The following FGD4 variants were observed in gnomAD, a reference collection of about 807,000 sequenced individuals.
The protein encoded by FGD4 is FYVE, RhoGEF and PH domain containing 4.
A neutral mutation model predicts 102.0 loss-of-function variants in FGD4; 42 were observed. That is an observed-to-expected ratio of 0.41 (90% CI 0.32 to 0.53). The LOEUF (loss-of-function observed/expected upper bound fraction) is 0.53. Ranked by LOEUF, FGD4 falls within the 20% of genes least tolerant of loss-of-function variation. FGD4 has a pLI of 0.21. For missense variants in FGD4, 902 were observed against 1,078.2 expected (o/e 0.84, Z 2.29); for synonymous variants, 380 against 375.7 (o/e 1.01, Z -0.13).
intron 1 of FGD4, among the ~76,000 whole-genome samples, chr12:32,450,447 T>C (rs1402730027): frequency 6.6e-6 from 1 of 152,174 alleles, no homozygotes; most frequent in Non-Finnish European, 1.5e-5. Flanking sequence ...TAAATTATAA[T>C]CTTTTACTTC....
Position 32,643,266 on chromosome 12 carries a change from G to A in FGD4, c.*2733G>A, listed in dbSNP as rs1951249015. 1 of 152,352 alleles carries A rather than the reference G, an allele frequency of 6.6e-6. No individual in the cohort carries two copies. The highest frequency in any genetic ancestry group is 1.5e-5 in the Non-Finnish European group (1 of 67,932). The allele number at this position is 152,352 out of a possible 1,614,324, so 9.4% of individuals were successfully genotyped here. A position where few individuals can be genotyped will look rare whatever the true frequency, so the allele number is the denominator to read the frequency against. On this transcript the variant is annotated 3_prime_UTR_variant, in exon 17 of 17. Coordinates refer to ENST00000534526, the MANE Select transcript of FGD4 (RefSeq NM_001370298.3). ...AACACCAGCCACTTTTGTAATAATG[G>A]CATCACAGTGTCATCATGTATGCAA...
At chr12:32,439,895 C>T (rs2728667) in intron 1 of FGD4, among the ~76,000 whole-genome samples, 20,909 of 151,952 alleles carry the variant, frequency 0.14, 3,120 homozygotes, top group African/African-American at 0.36. Flanking sequence ...TTCAAATAGC[C>T]TATCTTCAGG....
rs538830456 is a variant in FGD4, at chr12:32,558,010, T to G, written c.167-6127T>G. Among the ~76,000 whole-genome samples the G allele has an allele frequency of 2.6e-5, 4 of 152,304 alleles. No individual in the cohort carries two copies. The East Asian group carries it at 7.7e-4, about 29-fold the overall frequency. On this transcript the variant is annotated intron_variant, in intron 1 of 16. Transcript: ENST00000534526. ...ACATCACATGATAATCATATTGCTA[T>G]CATGCAGTGATATTAATATAATAAA...
intron 14 of FGD4, among the ~76,000 whole-genome samples, chr12:32,632,022 C>T (rs994748396): frequency 6.6e-5 from 10 of 152,076 alleles, no homozygotes; most frequent in African/African-American, 2.4e-4. Flanking sequence ...AGAGTAATTT[C>T]ATTGTAATTA....
At chr12:32,511,849 A>G (rs189934076) in intron 1 of FGD4, 1 of 152,294 alleles carries the variant, frequency 6.6e-6, no homozygotes. Flanking sequence ...GTCTACAGCC[A>G]TACCACCCGG....
intron 16 of FGD4, among the ~76,000 whole-genome samples, chr12:32,639,206 C>A (rs144469346): frequency 1.4e-3 from 208 of 152,278 alleles, no homozygotes; most frequent in African/African-American, 4.8e-3. Context: ...TCATGTCACC[C>A]AGGCTATAGT....
chr12:32,417,259 C>T (rs325424), intron 1 of FGD4, among the ~76,000 whole-genome samples: 82,488 of 151,854 alleles, frequency 0.54, 23,389 homozygotes, highest in African/African-American at 0.71. Context: ...CTGGTGTTGA[C>T]AAAATCTCTC....
chr12:32,418,384 C>A (rs1026846214), intron 1 of FGD4, among the ~76,000 whole-genome samples: 4 of 152,150 alleles, frequency 2.6e-5, no homozygotes, highest in African/African-American at 9.7e-5. Flanking sequence ...GGTTTGTGCC[C>A]ATCCTTCTTG....
intron 1 of FGD4, among the ~76,000 whole-genome samples, chr12:32,452,230 A>G (rs144871041): frequency 1.3e-5 from 2 of 152,310 alleles, no homozygotes; most frequent in Non-Finnish European, 2.9e-5. Flanking sequence ...AAACAGTTGT[A>G]TAGGAAAAAA....
rs1348016694 is a variant in FGD4 at position 32,642,633 on chromosome 12, A to ACATG, written c.*2100_*2101insCATG. The stretch of plus-strand genomic sequence containing the variant: ...AGATCATTGAAAGAATACTCATGTA[A>ACATG]AGATAATGTTTATTATCATGCTCTT... On this transcript the variant is annotated 3_prime_UTR_variant, in exon 17 of 17. Transcript: ENST00000534526. The ACATG allele has an allele frequency of 6.6e-6, 1 of 152,088 alleles. No individual in the cohort carries two copies. The highest frequency in any genetic ancestry group is 1.5e-5 in the Non-Finnish European group (1 of 67,962). 9.4% of individuals were successfully genotyped at this position (152,088 alleles called of 1,614,324 possible).
At chr12:32,457,802 G>A (rs1942985150) in intron 1 of FGD4, among the ~76,000 whole-genome samples, 1 of 152,132 alleles carries the variant, frequency 6.6e-6, no homozygotes, top group Admixed American at 6.6e-5. Context: ...AAATTGCAGT[G>A]GAAACCAGAA....
chr12:32,538,244 T>A (rs80136669), intron 1 of FGD4, among the ~76,000 whole-genome samples: 5,028 of 152,278 alleles, frequency 0.033, 124 homozygotes, highest in Non-Finnish European at 0.054. Flanking sequence ...GTTATTTTTT[T>A]GTTGTGGTGT....
At chr12:32,576,893 T>C (rs1157824744) in intron 3 of FGD4, among the ~76,000 whole-genome samples, 1 of 152,182 alleles carries the variant, frequency 6.6e-6, no homozygotes, top group Non-Finnish European at 1.5e-5. Context: ...TGGGGCCCTC[T>C]CTTCTTTCCA....
intron 2 of FGD4, among the ~76,000 whole-genome samples, chr12:32,568,311 T>C (rs140219092): frequency 1.3e-5 from 2 of 152,334 alleles, no homozygotes; most frequent in African/African-American, 4.8e-5. Flanking sequence ...TTGAAATGGA[T>C]TTGTTTCATA....
chr12:32,413,350 G>T (rs999300691), intron 1 of FGD4, among the ~76,000 whole-genome samples: 2 of 152,168 alleles, frequency 1.3e-5, no homozygotes, highest in East Asian at 3.8e-4. Context: ...TTACTCTGCA[G>T]AAAGTTGGCT....
intron 14 of FGD4, among the ~76,000 whole-genome samples, chr12:32,629,745 A>G (rs1480907908): frequency 2.0e-5 from 3 of 152,154 alleles, no homozygotes; most frequent in Admixed American, 6.5e-5. Context: ...ATTATTTCCA[A>G]AAGTTTTTCC....
chr12:32,604,936 C>CTT lies in FGD4; in HGVS notation c.1404+2637_1404+2638dup, dbSNP rs575943561. ...TCAATTTTATCTAGCTTTATAGCTG[C>CTT]TTTTTTTTTTTTTTTTTTTGGAGTT... On this transcript the variant is annotated intron_variant, in intron 7 of 16. Coordinates refer to ENST00000534526, the MANE Select transcript of FGD4 (RefSeq NM_001370298.3). Among the ~76,000 whole-genome samples, 529 of 94,500 alleles carry CTT rather than the reference C, an allele frequency of 5.6e-3. 45 individuals are homozygous for CTT. The highest frequency in any genetic ancestry group is 0.023 in the African/African-American group (457 of 20,008). The allele number at this position is 94,500 out of a possible 152,430, so 62.0% of individuals were successfully genotyped here. A position where few individuals can be genotyped will look rare whatever the true frequency, so the allele number is the denominator to read the frequency against.
intron 1 of FGD4, among the ~76,000 whole-genome samples, chr12:32,410,461 G>T (rs1941158097): frequency 6.6e-6 from 1 of 152,044 alleles, no homozygotes; most frequent in African/African-American, 2.4e-5. Context: ...TTCCAGCCTG[G>T]GCAATGGAAT....
At chr12:32,564,835 T>C (rs1182414203) in intron 2 of FGD4, among the ~76,000 whole-genome samples, 1 of 152,210 alleles carries the variant, frequency 6.6e-6, no homozygotes, top group African/African-American at 2.4e-5. Context: ...GTAGGAAGCT[T>C]GAATGATTTT....
Sources: allele counts gnomAD v4.1 joint callset (sites outside exome capture counted in the v4.1 genomes callset), GRCh38; gene constraint gnomAD v4.1.1; transcripts MANE v1.5; gene names NCBI Gene and HGNC (gene_info 2026-07-23, HGNC 2026-07-21).